Variants in CSMD3 observed in about 807,000 individuals in gnomAD.
The protein encoded by CSMD3 is CUB and Sushi multiple domains 3.
Under a neutral mutation model 435.2 loss-of-function variants are expected in CSMD3, and 177 were observed. That is an observed-to-expected ratio of 0.41 (90% CI 0.36 to 0.46). The LOEUF (loss-of-function observed/expected upper bound fraction) is 0.46, where lower values mean the gene tolerates loss of function less well. Ranked by LOEUF, CSMD3 falls within the 20% of genes least tolerant of loss-of-function variation. CSMD3 has a pLI of 0.34. For missense variants in CSMD3, 4,265 were observed against 4,504.6 expected, an observed-to-expected ratio of 0.95 and a Z score of 1.52; for synonymous variants, 1,656 against 1,520.5, an observed-to-expected ratio of 1.09 and a Z score of -2.07.
At chr8:112,871,973 A>G (rs1422623565) in intron 10 of CSMD3, among the ~76,000 whole-genome samples, 1 of 152,064 alleles carries the variant, frequency 6.6e-6, no homozygotes, top group African/African-American at 2.4e-5. Flanking sequence ...CTTTAATTTT[A>G]AAATATAGTG....
At position 112,552,716 on chromosome 8, in the gene CSMD3, T is replaced by G. The variant is rs1487242550; in HGVS notation, c.4239A>C (p.Glu1413Asp). 3 of 1,610,988 alleles carry G rather than the reference T, an allele frequency of 1.9e-6. No individual in the cohort carries two copies. The South Asian group carries it at 3.3e-5, about 18-fold the overall frequency. The stretch of plus-strand genomic sequence containing the variant: ...ATTCTCCTTTAAAACGACCTCCACA[T>G]TCAGCTGATAAAAAATAATAGAAAT... Reference protein sequence around the residue: ...WDYPLPSCIAECGGRFKGESS... With the variant: ...WDYPLPSCIADCGGRFKGESS... The change falls in exon 26 of 71, where the codon GAA becomes GAC. Residue 1413 changes from glutamate (E) to aspartate (D), a missense_variant. Around this residue, in one of 3 missense-constraint regions of CSMD3, gnomAD observed 3,255 missense variants for 3,380.2 expected, o/e 0.96. Coordinates refer to ENST00000297405, the MANE Select transcript of CSMD3 (RefSeq NM_198123.2).
intron 13 of CSMD3, among the ~76,000 whole-genome samples, chr8:112,778,083 C>T (rs373012380): frequency 2.2e-4 from 33 of 151,776 alleles, no homozygotes; most frequent in East Asian, 2.0e-3. Flanking sequence ...GTTTTGTGTT[C>T]GCAGCAAAAT....
chr8:112,948,640 T>A (rs980963543), intron 8 of CSMD3, among the ~76,000 whole-genome samples: 2 of 152,046 alleles, frequency 1.3e-5, no homozygotes, highest in African/African-American at 2.4e-5. Context: ...TGATATTGTT[T>A]AATAAATTCA....
rs1237827938 is a variant in CSMD3 at position 112,287,076 on chromosome 8, G to A, written c.9319C>T (p.Pro3107Ser). The A allele has an allele frequency of 6.2e-7, 1 of 1,613,128 alleles. No individual in the cohort carries two copies. Among genetic ancestry groups the A allele is most frequent in the African/African-American group, 1.3e-5 (1 of 74,834 alleles). The change falls in exon 58 of 71, where the codon CCA becomes TCA. Residue 3107 changes from proline to serine, a missense_variant. Around this residue, in one of 3 missense-constraint regions of CSMD3, gnomAD observed 3,255 missense variants for 3,380.2 expected, o/e 0.96. Transcript: ENST00000297405. ...LANGSWTGRQ[P>S]ECKAVQCGNP... Reference sequence around the variant, plus strand: ...TGCTTGAGATTACCTTTGCACTCTGGCTGCCTTCCGGTCCAACTGCCATTA... The same window carrying A: ...TGCTTGAGATTACCTTTGCACTCTGACTGCCTTCCGGTCCAACTGCCATTA...
chr8:112,532,254 A>G (rs1825614528), intron 27 of CSMD3, among the ~76,000 whole-genome samples: 1 of 152,092 alleles, frequency 6.6e-6, no homozygotes, highest in African/African-American at 2.4e-5. Flanking sequence ...TCTAAGTGTC[A>G]TTGGACTTAA....
chr8:112,621,258 T>C (rs1309454594), intron 22 of CSMD3, among the ~76,000 whole-genome samples: 1 of 151,944 alleles, frequency 6.6e-6, no homozygotes. Context: ...AATTAATTAA[T>C]ATAAAAATAA....
In CSMD3 at chr8:112,690,035, C is replaced by A; in HGVS notation, c.1988G>T (p.Ser663Ile). 6.2e-7 allele frequency: 1 copy of A among 1,613,116 alleles called. No individual in the cohort carries two copies. The highest frequency in any genetic ancestry group is 8.5e-7 in the Non-Finnish European group (1 of 1,179,304). Reference protein sequence around the residue: ...KVNYKEIEKESCGDPGTPLYG... With the variant: ...KVNYKEIEKEICGDPGTPLYG... ...TAAGGGTGTACCAGGATCACCACAACTTTCTTTCTCAATTTCTGGAAAAAT... is the reference window on the plus strand; with the variant it reads ...TAAGGGTGTACCAGGATCACCACAAATTTCTTTCTCAATTTCTGGAAAAAT... Residue 663 changes from serine (S) to isoleucine (I), a missense_variant, in exon 14 of 71, where the codon AGT becomes ATT. Transcript: ENST00000297405.
chr8:112,305,001 T>A, intron 51 of CSMD3, 86 bp from the exon 52 acceptor site: 1 of 949,478 alleles, frequency 1.1e-6, no homozygotes, highest in Non-Finnish European at 1.7e-6. Flanking sequence ...CTGACCTAAT[T>A]CACTTACTCT....
chr8:113,156,786 C>T (rs1306253612), intron 4 of CSMD3, among the ~76,000 whole-genome samples: 1 of 110,516 alleles, frequency 9.0e-6, no homozygotes, highest in Non-Finnish European at 1.9e-5. Context: ...ATAAAGTTAG[C>T]CAGGCCTGGT....
At chr8:112,442,468 C>T (rs531353200) in intron 32 of CSMD3, among the ~76,000 whole-genome samples, 1 of 152,232 alleles carries the variant, frequency 6.6e-6, no homozygotes, top group South Asian at 2.1e-4. Flanking sequence ...GGATCATAGG[C>T]AAATTTCTCT....
intron 1 of CSMD3, among the ~76,000 whole-genome samples, chr8:113,435,402 C>T (rs943137879): frequency 4.6e-5 from 7 of 152,166 alleles, no homozygotes; most frequent in African/African-American, 1.7e-4. Context: ...CAGCTCCCTC[C>T]TCCCAAAACA....
chr8:113,359,951 G>A (rs985990973), intron 1 of CSMD3, among the ~76,000 whole-genome samples: 1 of 152,114 alleles, frequency 6.6e-6, no homozygotes, highest in African/African-American at 2.4e-5. Context: ...TATACCCACT[G>A]CTCTGTGGGG....
rs370054397 is a variant in CSMD3 at position 112,645,137 on chromosome 8, T to C, written c.3282A>G (p.Thr1094=). ...PEFYPNSLNC[T]WTVDVTHGKG... ...TTCCATGGGTTACATCAACAGTCCA[T>C]GTACAATTCAGAGAATTTGGATAAA... The change falls in exon 20 of 71, where the codon ACA becomes ACG. Residue 1094 remains threonine (T), a synonymous_variant. Transcript: ENST00000297405. 21 of 1,595,890 alleles carry C rather than the reference T, an allele frequency of 1.3e-5. No homozygotes were observed. The highest frequency in any genetic ancestry group is 5.4e-5 in the African/African-American group (4 of 74,530).
At chr8:113,276,696 T>C (rs2093573402) in intron 3 of CSMD3, among the ~76,000 whole-genome samples, 2 of 152,058 alleles carry the variant, frequency 1.3e-5, no homozygotes, top group Non-Finnish European at 1.5e-5. Context: ...CTTATAAAAC[T>C]GAGATAGTTT....
chr8:112,662,876 C>A (rs112947191), intron 17 of CSMD3, among the ~76,000 whole-genome samples: 2,961 of 152,220 alleles, frequency 0.019, 54 homozygotes, highest in Middle Eastern at 0.051. Context: ...TATGAACAGA[C>A]ACTTCTCAAA....
chr8:112,726,885 A>G (rs1262306042), intron 13 of CSMD3, among the ~76,000 whole-genome samples: 3 of 151,866 alleles, frequency 2.0e-5, no homozygotes, highest in Non-Finnish European at 4.4e-5. Context: ...ATTACATCAA[A>G]TTAGTAAATA....
At chr8:113,056,297 GC>G (rs1442178670) in intron 5 of CSMD3, among the ~76,000 whole-genome samples, 10 of 152,260 alleles carry the variant, frequency 6.6e-5, no homozygotes, top group Non-Finnish European at 1.2e-4. Flanking sequence ...ACTACTGAAT[GC>G]CAGTGTTAGA....
chr8:112,254,374 A>C, intron 62 of CSMD3, 48 bp from the exon 63 acceptor site: 1 of 1,246,402 alleles, frequency 8.0e-7, no homozygotes, highest in Non-Finnish European at 1.2e-6. Flanking sequence ...TTTACAATAG[A>C]TATAGTTCTC....
At chr8:113,200,834 T>C (rs2092709122) in intron 3 of CSMD3, among the ~76,000 whole-genome samples, 1 of 151,736 alleles carries the variant, frequency 6.6e-6, no homozygotes. Context: ...GGATATTTGC[T>C]TCTTTATTAT....
Sources: allele counts gnomAD v4.1 joint callset (sites outside exome capture counted in the v4.1 genomes callset), GRCh38; gene constraint gnomAD v4.1.1; regional missense constraint gnomAD v4.1.1; transcripts MANE v1.5; gene names NCBI Gene and HGNC (gene_info 2026-07-23, HGNC 2026-07-21).